LSG1: variants seen among roughly 807,000 people sequenced by gnomAD.
The protein encoded by LSG1 is large 60S subunit nuclear export GTPase 1, also known as large subunit GTPase 1 homolog.
In LSG1, 55 loss-of-function variants were observed where a neutral mutation model predicts 82.6. That is an observed-to-expected ratio of 0.67 (90% CI 0.54 to 0.83). The LOEUF (loss-of-function observed/expected upper bound fraction) is 0.83. LSG1 is among the 40% of genes least tolerant of loss of function. The pLI is 0.00. For synonymous variants in LSG1, 272 were observed against 282.5 expected (o/e 0.96, Z 0.37); for missense variants, 809 against 807.9 (o/e 1.00, Z -0.02).
At chr3:194,646,457 A>G (rs543968757) in intron 11 of LSG1, 1 of 432,978 alleles carries the variant, frequency 2.3e-6, no homozygotes, top group Admixed American at 4.0e-5. Context: ...GCCACCTAGC[A>G]CCACGCTATG....
intron 1 of LSG1, among the ~76,000 whole-genome samples, chr3:194,670,419 C>T (rs573199567): frequency 2.0e-5 from 3 of 152,288 alleles, no homozygotes; most frequent in East Asian, 3.9e-4. Flanking sequence ...AATAACTTGC[C>T]TATAGTCAAA....
chr3:194,641,902 A>C lies in LSG1; in HGVS notation c.*166T>G. ...CCTTTTTGTCAGAGTTGGTGTTTCCAGGAGGCCCTTGGTCTTGACATGGAG... is the reference window on the plus strand; with the variant it reads ...CCTTTTTGTCAGAGTTGGTGTTTCCCGGAGGCCCTTGGTCTTGACATGGAG... On this transcript the variant is annotated 3_prime_UTR_variant, in exon 14 of 14. Transcript: ENST00000265245. The C allele has an allele frequency of 1.6e-6, 1 of 627,676 alleles. No individual in the cohort carries two copies. The highest frequency in any genetic ancestry group is 3.0e-5 in the South Asian group (1 of 32,996). 38.9% of individuals were successfully genotyped at this position (627,676 alleles called of 1,614,324 possible).
chr3:194,651,052 G>C, intron 9 of LSG1, 28 bp from the exon 10 acceptor site: 4 of 1,613,954 alleles, frequency 2.5e-6, no homozygotes, highest in Non-Finnish European at 3.4e-6. Flanking sequence ...GGTTTGAGCT[G>C]GGTATACAAC....
intron 5 of LSG1, among the ~76,000 whole-genome samples, chr3:194,665,175 C>T (rs1215631243): frequency 2.0e-5 from 3 of 152,172 alleles, no homozygotes; most frequent in East Asian, 1.9e-4. Flanking sequence ...TGGTGTAACT[C>T]GGCTGACAGG....
At chr3:194,644,152 G>A (rs1718458806) in intron 13 of LSG1, among the ~76,000 whole-genome samples, 1 of 152,010 alleles carries the variant, frequency 6.6e-6, no homozygotes, top group Non-Finnish European at 1.5e-5. Context: ...CATGAGGTCA[G>A]GAGATCGAGA....
In LSG1 at chr3:194,660,148, C is replaced by A. The variant is rs374755565; in HGVS notation, c.522-15G>T. ...CCACAATATCACTGAAAAACAAACA[C>A]GAGATAGACCAATCACCGTGAAGTG... On this transcript the variant is annotated splice_polypyrimidine_tract_variant and intron_variant, in intron 5 of 13. Transcript: ENST00000265245. 6.2e-7 allele frequency: 1 copy of A among 1,608,250 alleles called. No homozygotes were observed. The highest frequency in any genetic ancestry group is 8.5e-7 in the Non-Finnish European group (1 of 1,174,820).
rs766743369 is a variant in LSG1 at position 194,642,038 on chromosome 3, T to C, written c.*30A>G. The C allele has an allele frequency of 1.2e-6, 2 of 1,608,354 alleles. No individual in the cohort carries two copies. Among genetic ancestry groups the C allele is most frequent in the East Asian group, 2.2e-5 (1 of 44,874 alleles). ...CTTCTGCTCTTTTCCATCTGCACAA[T>C]GCAGATGACATTTCTGTTGCAGCCC... On this transcript the variant is annotated 3_prime_UTR_variant, in exon 14 of 14. Coordinates refer to ENST00000265245, the MANE Select transcript of LSG1 (RefSeq NM_018385.3).
At chr3:194,647,866 T>C (rs1420603943) in intron 11 of LSG1, among the ~76,000 whole-genome samples, 1 of 148,736 alleles carries the variant, frequency 6.7e-6, no homozygotes, top group African/African-American at 2.4e-5. Context: ...TCTTGTTCTA[T>C]GAATCTGTAA....
chr3:194,645,752 C>T (rs2108615205), intron 12 of LSG1, among the ~76,000 whole-genome samples: 1 of 152,314 alleles, frequency 6.6e-6, no homozygotes, highest in East Asian at 1.9e-4. Context: ...AGACTTGTTA[C>T]ATATTTGTAC....
At chr3:194,652,493 G>A (rs556942452) in intron 8 of LSG1, among the ~76,000 whole-genome samples, 1 of 152,292 alleles carries the variant, frequency 6.6e-6, no homozygotes, top group Non-Finnish European at 1.5e-5. Context: ...AAGGAGACTG[G>A]AGAATACATT....
rs531180203 is a variant in LSG1, at chr3:194,654,382, T to C, written c.760-1240A>G. The stretch of plus-strand genomic sequence containing the variant: ...ACTTGAAAGTGATGGAAACCTGGTA[T>C]CATTTCCAAGTAGCTTTGTTAGAAT... On this transcript the variant is annotated intron_variant, in intron 7 of 13. Transcript: ENST00000265245. Among the ~76,000 whole-genome samples, 4 of 152,332 alleles carry C rather than the reference T, an allele frequency of 2.6e-5. No homozygotes were observed. The East Asian group carries it at 7.7e-4, about 29-fold the overall frequency.
chr3:194,645,543 C>CACACACACACAGACAG lies in LSG1; in HGVS notation c.1623+620_1623+621insCTGTCTGTGTGTGTGT, dbSNP rs1718517989. ...ACACACACACACAGACAGACACACA[C>CACACACACACAGACAG]ACACACACACACACACACACACACA... On this transcript the variant is annotated intron_variant, in intron 12 of 13. Coordinates refer to ENST00000265245, the MANE Select transcript of LSG1 (RefSeq NM_018385.3). 19 of 45,348 alleles carry CACACACACACAGACAG rather than the reference C, an allele frequency of 4.2e-4. 2 individuals are homozygous for CACACACACACAGACAG. The highest frequency in any genetic ancestry group is 3.5e-3 in the East Asian group (5 of 1,430). The allele number at this position is 45,348 out of a possible 1,614,324, so 2.8% of individuals were successfully genotyped here. A position where few individuals can be genotyped will look rare whatever the true frequency, so the allele number is the denominator to read the frequency against.
chr3:194,671,991 G>C, intron 1 of LSG1, 73 bp downstream of exon 1: 1 of 1,422,204 alleles, frequency 7.0e-7, no homozygotes, highest in South Asian at 1.2e-5. Context: ...AAACTTATCT[G>C]ACTTTTGACC....
At chr3:194,664,971 T>C (rs901707054) in intron 5 of LSG1, among the ~76,000 whole-genome samples, 1 of 152,062 alleles carries the variant, frequency 6.6e-6, no homozygotes, top group Non-Finnish European at 1.5e-5. Context: ...AACCACCCCG[T>C]GATTTCCTCA....
chr3:194,664,686 C>T (rs978274114), intron 5 of LSG1, among the ~76,000 whole-genome samples: 2 of 151,856 alleles, frequency 1.3e-5, no homozygotes, highest in South Asian at 2.1e-4. Flanking sequence ...GAGGCTGAGG[C>T]GGGTGGATCA....
chr3:194,667,967 A>T (rs1033270369), intron 2 of LSG1, among the ~76,000 whole-genome samples: 1 of 134,804 alleles, frequency 7.4e-6, no homozygotes, highest in South Asian at 2.4e-4. Flanking sequence ...ATATATATAT[A>T]TAGCTTTACT....
Position 194,653,105 on chromosome 3 carries a change from G to A in LSG1, c.797C>T (p.Thr266Ile), listed in dbSNP as rs774748742. 7 of 1,614,124 alleles carry A rather than the reference G, an allele frequency of 4.3e-6. No individual in the cohort carries two copies. Among genetic ancestry groups the A allele is most frequent in the Non-Finnish European group, 1.7e-6 (2 of 1,179,990 alleles). ...ANRDDRQSNT[T>I]KFGHSSFDQA... The stretch of plus-strand genomic sequence containing the variant: ...GTCGAAACTGGAATGTCCAAACTTG[G>A]TTGTGTTGCTTTGTCTATCATCTCT... Residue 266 changes from threonine to isoleucine, a missense_variant, in exon 8 of 14, where the codon ACC becomes ATC. Coordinates refer to ENST00000265245, the MANE Select transcript of LSG1 (RefSeq NM_018385.3).
intron 2 of LSG1, among the ~76,000 whole-genome samples, chr3:194,668,766 C>T (rs1046545069): frequency 2.0e-5 from 3 of 152,146 alleles, no homozygotes; most frequent in African/African-American, 7.2e-5. Flanking sequence ...TTCCCTGCAG[C>T]GCTATTCACA....
rs1718710993 is a variant in LSG1 at position 194,653,028 on chromosome 3, G to A, written c.874C>T (p.Pro292Ser). 11 of 1,614,190 alleles carry A rather than the reference G, an allele frequency of 6.8e-6. No individual in the cohort carries two copies. Among genetic ancestry groups the A allele is most frequent in the Non-Finnish European group, 9.3e-6 (11 of 1,180,028 alleles). Residue 292 changes from proline to serine, a missense_variant, in exon 8 of 14, where the codon CCT becomes TCT. By Grantham distance (74) the Pro-to-Ser change is moderately conservative. Transcript: ENST00000265245. ...GTTGTGGGATTTTCACTAAGTGAAG[G>A]AGAATCCCTAGCTGGGAGATGTTCG... The part of the protein sequence containing the change: ...ESEHLPARDS[P>S]SLSENPTTDE...
Sources: gnomAD v4.1 joint callset for allele counts (sites outside exome capture counted in the v4.1 genomes callset) on GRCh38, gnomAD v4.1.1 for gene constraint, MANE v1.5 for transcripts, NCBI Gene and HGNC (gene_info 2026-07-23, HGNC 2026-07-21) for gene names.